ANKAR: variants seen among roughly 807,000 people sequenced by gnomAD.
ANKAR encodes the protein ankyrin and armadillo repeat containing.
ANKAR carries 136 observed loss-of-function variants against 146.2 expected under a neutral mutation model. That is an observed-to-expected ratio of 0.93 (90% CI 0.81 to 1.07). The LOEUF is 1.07. Ranked by LOEUF, ANKAR falls within the 50% of genes least tolerant of loss-of-function variation. The probability of loss-of-function intolerance (pLI) is 0.00; values close to 1 mark genes in which losing one functional copy is unlikely to be tolerated. For missense variants in ANKAR, 1,567 were observed against 1,679.9 expected (o/e 0.93, Z 1.18); for synonymous variants, 500 against 575.8 (o/e 0.87, Z 1.88).
At chr2:189,731,642 GATTA>G (rs1362591323) in intron 16 of ANKAR, among the ~76,000 whole-genome samples, 3 of 151,604 alleles carry the variant, frequency 2.0e-5, no homozygotes, top group Non-Finnish European at 4.4e-5. Flanking sequence ...AAAGTGCTGG[GATTA>G]AGGTATGAGC....
At chr2:189,756,779 A>G (rs2046153444) in intron 18 of ANKAR, among the ~76,000 whole-genome samples, 1 of 152,126 alleles carries the variant, frequency 6.6e-6, no homozygotes, top group Admixed American at 6.5e-5. Flanking sequence ...ACAGTCTTCT[A>G]ATTGTACTTT....
downstream of ANKAR, among the ~76,000 whole-genome samples, chr2:189,749,201 G>A (rs991323868): frequency 2.1e-5 from 3 of 139,984 alleles, no homozygotes; most frequent in African/African-American, 5.4e-5. Flanking sequence ...AGCCGAGATC[G>A]AGCCATTGCA....
chr2:189,739,731 T>C (rs1188732735), intron 19 of ANKAR, among the ~76,000 whole-genome samples: 1 of 151,870 alleles, frequency 6.6e-6, no homozygotes, highest in Non-Finnish European at 1.5e-5. Context: ...GGCCAGCTAG[T>C]TTTTGTATTT....
chr2:189,676,518 C>T lies in ANKAR; in HGVS notation c.28C>T (p.Pro10Ser). Reference protein sequence around the residue: MLRLPKKGLPRFEQVQDEDT... With the variant: MLRLPKKGLSRFEQVQDEDT... ...GTTAAGATTGCCCAAAAAAGGATTA[C>T]CTAGATTTGAGCAAGTTCAGGATGA... The change falls in exon 2 of 23, where the codon CCT (proline) becomes TCT (serine). Residue 10 changes from proline (P) to serine (S), a missense_variant. By Grantham distance (74) the Pro-to-Ser change is moderately conservative. Transcript: ENST00000684021. 2 of 1,565,454 alleles carry T rather than the reference C, an allele frequency of 1.3e-6. No individual in the cohort carries two copies. The highest frequency in any genetic ancestry group is 1.1e-5 in the South Asian group (1 of 87,780).
At position 189,692,282 on chromosome 2, in the gene ANKAR, T is replaced by C; in HGVS notation, c.1067T>C (p.Leu356Ser). ...GACAAGGTCAAGACAGAGCGAGAAT[T>C]GCCTCCATTTATTTATGGAAGAGAT... is the stretch of plus-strand genomic sequence containing the variant. Reference protein sequence around the residue: ...SDDKVKTERELPPFIYGRDFK... With the variant: ...SDDKVKTERESPPFIYGRDFK... The change falls in exon 4 of 23, where the codon TTG (leucine) becomes TCG (serine). Residue 356 changes from leucine (L) to serine (S), a missense_variant. Transcript: ENST00000684021. 6.2e-7 allele frequency: 1 copy of C among 1,612,276 alleles called. No individual in the cohort carries two copies. Among genetic ancestry groups the C allele is most frequent in the Non-Finnish European group, 8.5e-7 (1 of 1,179,478 alleles).
At chr2:189,740,320 AT>A (rs566495336) in intron 19 of ANKAR, among the ~76,000 whole-genome samples, 248 of 151,810 alleles carry the variant, frequency 1.6e-3, no homozygotes, top group African/African-American at 5.8e-3. Flanking sequence ...CCTTTAGACA[AT>A]TTTTGCTTTA....
chr2:189,745,462 GACC>G, intron 22 of ANKAR, among the ~76,000 whole-genome samples: 1 of 152,210 alleles, frequency 6.6e-6, no homozygotes, highest in African/African-American at 2.4e-5. Context: ...TCAGGGCAGA[GACC>G]ACATTTTTTC....
chr2:189,712,055 A>G (rs972036304), intron 10 of ANKAR, among the ~76,000 whole-genome samples: 1 of 152,208 alleles, frequency 6.6e-6, no homozygotes, highest in Non-Finnish European at 1.5e-5. Context: ...GGCATTCGCC[A>G]CTGCTGAGGC....
In ANKAR at chr2:189,730,504, A is replaced by G; in HGVS notation, c.3203A>G (p.His1068Arg). The G allele has an allele frequency of 6.3e-7, 1 of 1,597,700 alleles. No individual in the cohort carries two copies. The highest frequency in any genetic ancestry group is 8.5e-7 in the Non-Finnish European group (1 of 1,169,816). ...GCGTGGACTCTTACAGGTGTAGCCCATACAAGCAATCCTGTCAGTCAACAA... is the reference window on the plus strand; with the variant it reads ...GCGTGGACTCTTACAGGTGTAGCCCGTACAAGCAATCCTGTCAGTCAACAA... Reference protein sequence around the residue: ...AVGSICIGVAHTSNPVSQQLV... With the variant: ...AVGSICIGVARTSNPVSQQLV... The change falls in exon 16 of 23, where the codon CAT (histidine) becomes CGT (arginine). Residue 1068 changes from histidine (H) to arginine (R), a missense_variant. Transcript: ENST00000684021.
chr2:189,741,379 T>C lies in ANKAR; in HGVS notation c.3738T>C (p.Gly1246=). 6.2e-7 allele frequency: 1 copy of C among 1,609,814 alleles called. No homozygotes were observed. Among genetic ancestry groups the C allele is most frequent in the Non-Finnish European group, 8.5e-7 (1 of 1,177,874 alleles). Residue 1246 remains glycine (G), a synonymous_variant, in exon 20 of 23, where the codon GGT becomes GGC. Transcript: ENST00000684021. ...LIASLAHSRA[G]IPEAFTTLGT... is the part of the protein sequence containing the mutation. ...CAAGCCTGGCTCATTCTAGAGCTGG[T>C]ATCCCAGAAGCATTTACCACATTAG...
intron 2 of ANKAR, among the ~76,000 whole-genome samples, chr2:189,684,912 G>C (rs1278513596): frequency 4.0e-5 from 6 of 150,224 alleles, no homozygotes; most frequent in Non-Finnish European, 5.9e-5. Flanking sequence ...AATTTCATTT[G>C]ATCCAATTTT....
chr2:189,707,742 T>G (rs1417762312), intron 9 of ANKAR, among the ~76,000 whole-genome samples: 1 of 151,836 alleles, frequency 6.6e-6, no homozygotes, highest in East Asian at 1.9e-4. Context: ...ACATGGAGAT[T>G]AAACATTATT....
chr2:189,709,163 A>G (rs1326385366), intron 9 of ANKAR, among the ~76,000 whole-genome samples: 1 of 152,224 alleles, frequency 6.6e-6, no homozygotes, highest in African/African-American at 2.4e-5. Flanking sequence ...ACACGACCAT[A>G]GTACATTACA....
downstream of ANKAR, among the ~76,000 whole-genome samples, chr2:189,748,622 T>C (rs919284688): frequency 6.6e-6 from 1 of 152,192 alleles, no homozygotes; most frequent in Non-Finnish European, 1.5e-5. Context: ...GACTGAAATA[T>C]AGGAAATGCG....
intron 19 of ANKAR, among the ~76,000 whole-genome samples, chr2:189,739,369 A>G (rs999901384): frequency 1.2e-4 from 19 of 152,208 alleles, no homozygotes; most frequent in Admixed American, 1.2e-3. Context: ...ACTTGATGCC[A>G]TAGAATTACA....
rs1415943132 is a variant in ANKAR at position 189,744,756 on chromosome 2, G to A, written c.4025G>A (p.Gly1342Glu). 2 of 1,596,338 alleles carry A rather than the reference G, an allele frequency of 1.3e-6. No individual in the cohort carries two copies. Among genetic ancestry groups the A allele is most frequent in the Non-Finnish European group, 1.7e-6 (2 of 1,166,288 alleles). The change falls in exon 22 of 23, where the codon GGA becomes GAA. Residue 1342 changes from glycine (G) to glutamate (E), a missense_variant. Gly to Glu is a moderately conservative substitution (Grantham distance 98, BLOSUM62 -2). Transcript: ENST00000684021. Reference protein sequence around the residue: ...GLPSLSLEKNGGPSIIPIFKR... With the variant: ...GLPSLSLEKNEGPSIIPIFKR... The stretch of plus-strand genomic sequence containing the variant: ...TTTCCTTTTAGTCTGGAGAAGAATG[G>A]AGGACCATCCATAATTCCTATCTTT...
intron 12 of ANKAR, among the ~76,000 whole-genome samples, chr2:189,727,191 A>C (rs894966930): frequency 4.6e-5 from 7 of 152,288 alleles, no homozygotes; most frequent in Admixed American, 3.3e-4. Context: ...AAAATACAAA[A>C]CAAAATGAGA....
intron 17 of ANKAR, among the ~76,000 whole-genome samples, chr2:189,737,220 G>A (rs2042944407): frequency 6.6e-6 from 1 of 151,616 alleles, no homozygotes; most frequent in Admixed American, 6.6e-5. Flanking sequence ...TTAGTAATAA[G>A]ATTTTATCTT....
chr2:189,746,303 G>C (rs539779588), intron 22 of ANKAR, 77 bp from the exon 23 acceptor site: 1 of 1,424,338 alleles, frequency 7.0e-7, no homozygotes, highest in East Asian at 2.3e-5. Flanking sequence ...AAAGAAAATA[G>C]AACTACATAG....
Sources: allele counts gnomAD v4.1 joint callset (sites outside exome capture counted in the v4.1 genomes callset), GRCh38; gene constraint gnomAD v4.1.1; transcripts MANE v1.5; gene names NCBI Gene and HGNC (gene_info 2026-07-23, HGNC 2026-07-21).